TMTC1: variants seen among roughly 807,000 people sequenced by gnomAD.
The protein encoded by TMTC1 is protein O-mannosyl-transferase TMTC1.
TMTC1 carries 73 observed loss-of-function variants against 104.8 expected under a neutral mutation model. The ratio of observed to expected loss-of-function variants is 0.70; its 90% confidence interval spans 0.58 to 0.85. TMTC1 has a LOEUF of 0.85. Ranked by LOEUF, TMTC1 falls within the 40% of genes least tolerant of loss-of-function variation. TMTC1 has a pLI of 0.00. For missense variants in TMTC1, 1,035 were observed against 1,096.1 expected (o/e 0.94, Z 0.79); for synonymous variants, 434 against 428.7 (o/e 1.01, Z -0.15).
intron 10 of TMTC1, among the ~76,000 whole-genome samples, chr12:29,554,894 G>A (rs1945198654): frequency 6.6e-6 from 1 of 152,026 alleles, no homozygotes; most frequent in Non-Finnish European, 1.5e-5. Flanking sequence ...CACCGAATGT[G>A]TTTTATTTTC....
chr12:29,736,549 AG>A (rs1942679817), intron 5 of TMTC1, among the ~76,000 whole-genome samples: 1 of 151,966 alleles, frequency 6.6e-6, no homozygotes, highest in Non-Finnish European at 1.5e-5. Flanking sequence ...CCTCCTGAGT[AG>A]GGGGGATTAC....
At position 29,505,789 on chromosome 12, in the gene TMTC1, G is replaced by A. The variant is rs546153993; in HGVS notation, c.*1057C>T. 1.4e-4 allele frequency: 21 copies of A among 151,924 alleles called. No homozygotes were observed. The highest frequency in any genetic ancestry group is 7.7e-4 in the East Asian group (4 of 5,170). 9.4% of individuals were successfully genotyped at this position (151,924 alleles called of 1,614,324 possible). On this transcript the variant is annotated 3_prime_UTR_variant, in exon 18 of 18. Coordinates refer to ENST00000539277, the MANE Select transcript of TMTC1 (RefSeq NM_001193451.2). ...AAACAAAGAATTCTGGGTATTAATC[G>A]TTGATGTTCTAAGCCCAGAATTCTC...
chr12:29,668,204 G>A (rs1940357919), intron 5 of TMTC1, among the ~76,000 whole-genome samples: 1 of 152,148 alleles, frequency 6.6e-6, no homozygotes, highest in Admixed American at 6.5e-5. Context: ...ATTTCTTCTA[G>A]TCCTGGAGGC....
intron 5 of TMTC1, among the ~76,000 whole-genome samples, chr12:29,712,041 A>G (rs1941944433): frequency 7.2e-6 from 1 of 138,930 alleles, no homozygotes; most frequent in Non-Finnish European, 1.6e-5. Flanking sequence ...AAAAAGAGCA[A>G]CCCAGCATCA....
At chr12:29,659,852 A>T in intron 5 of TMTC1, 1 of 1,481,038 alleles carries the variant, frequency 6.8e-7, no homozygotes, top group Non-Finnish European at 9.0e-7. Context: ...AATAAATACC[A>T]AGTTTTAAAA....
Position 29,521,566 on chromosome 12 carries a change from C to CTTTTTT in TMTC1, c.1786-852_1786-847dup, listed in dbSNP as rs3036151. Among the ~76,000 whole-genome samples, 85 of 89,602 alleles carry CTTTTTT rather than the reference C, an allele frequency of 9.5e-4. 1 individual carries two copies. The highest frequency in any genetic ancestry group is 1.2e-3 in the African/African-American group (34 of 28,942). The allele number at this position is 89,602 out of a possible 152,430, so 58.8% of individuals were successfully genotyped here. On this transcript the variant is annotated intron_variant, in intron 11 of 17. Transcript: ENST00000539277. ...GGTACATTTTTCTTTTTCTTTCTTT[C>CTTTTTT]TTTTTTTTTTTTTTTTTGAGACAGA... is the stretch of plus-strand genomic sequence containing the variant.
At chr12:29,634,414 A>G (rs773950027) in intron 5 of TMTC1, among the ~76,000 whole-genome samples, 1 of 152,162 alleles carries the variant, frequency 6.6e-6, no homozygotes, top group Non-Finnish European at 1.5e-5. Context: ...GCCTAATTGC[A>G]TCTACAGGGA....
chr12:29,779,379 GCCA>G (rs1230001583), intron 1 of TMTC1, among the ~76,000 whole-genome samples: 1 of 152,200 alleles, frequency 6.6e-6, no homozygotes, highest in Non-Finnish European at 1.5e-5. Context: ...ATAGTGCAAA[GCCA>G]CCACATCTTG....
At chr12:29,544,369 C>A (rs1944886461) in intron 10 of TMTC1, among the ~76,000 whole-genome samples, 1 of 152,096 alleles carries the variant, frequency 6.6e-6, no homozygotes. Context: ...CCATCCTACC[C>A]TTCTCCCACC....
intron 13 of TMTC1, 122 bp downstream of exon 13, chr12:29,518,350 T>A: frequency 1.8e-6 from 2 of 1,112,022 alleles, no homozygotes; most frequent in Non-Finnish European, 2.5e-6. Context: ...AAAATTTGTA[T>A]CACCTGAATT....
chr12:29,654,610 C>G (rs1939668511), intron 5 of TMTC1, among the ~76,000 whole-genome samples: 1 of 151,750 alleles, frequency 6.6e-6, no homozygotes. Context: ...TAGGTACATA[C>G]TCAAGAGAAA....
chr12:29,640,339 G>C (rs891265897), intron 5 of TMTC1, among the ~76,000 whole-genome samples: 1 of 103,558 alleles, frequency 9.7e-6, no homozygotes, highest in South Asian at 2.7e-4. Flanking sequence ...AGAGCAGCGA[G>C]GGGGGGCTCA....
At position 29,517,535 on chromosome 12, in the gene TMTC1, T is replaced by A. The variant is rs1489606463; in HGVS notation, c.2061A>T (p.Ser687=). 2 of 1,614,090 alleles carry A rather than the reference T, an allele frequency of 1.2e-6. No homozygotes were observed. The highest frequency in any genetic ancestry group is 3.3e-5 in the Admixed American group (2 of 60,010). ...TGTTGTAATACAGTGCTCCCAAAGGTGACAATATCTCAGCTTTGTGTGCCA... is the reference window on the plus strand; with the variant it reads ...TGTTGTAATACAGTGCTCCCAAAGGAGACAATATCTCAGCTTTGTGTGCCA... The part of the protein sequence containing the change: ...LQVAHKAEIL[S]PLGALYYNTG... Residue 687 remains serine, a synonymous_variant, in exon 14 of 18, where the codon TCA becomes TCT. Coordinates refer to ENST00000539277, the MANE Select transcript of TMTC1 (RefSeq NM_001193451.2).
intron 5 of TMTC1, among the ~76,000 whole-genome samples, chr12:29,688,810 A>ACCCAACC (rs921751074): frequency 3.9e-5 from 6 of 152,180 alleles, no homozygotes; most frequent in Admixed American, 6.5e-5. Context: ...TTATATTACA[A>ACCCAACC]CCCAACCCCC....
At chr12:29,661,012 G>A in intron 5 of TMTC1, 1 of 404,172 alleles carries the variant, frequency 2.5e-6, no homozygotes, top group South Asian at 9.5e-5. Flanking sequence ...AGGGCCTCTG[G>A]AGCCAGAACA....
At chr12:29,777,914 A>G (rs892289593) in intron 1 of TMTC1, among the ~76,000 whole-genome samples, 3 of 152,236 alleles carry the variant, frequency 2.0e-5, no homozygotes, top group Admixed American at 6.5e-5. Context: ...ATGAAAAGGA[A>G]TAGAAACAAA....
chr12:29,573,157 G>A (rs1190839120), intron 8 of TMTC1, among the ~76,000 whole-genome samples: 1 of 152,104 alleles, frequency 6.6e-6, no homozygotes, highest in Admixed American at 6.5e-5. Context: ...TCCAGATCTA[G>A]GAGTATACAT....
At position 29,763,685 on chromosome 12, in the gene TMTC1, G is replaced by A. The variant is rs369191547; in HGVS notation, c.480+4213C>T. On this transcript the variant is annotated intron_variant, in intron 2 of 17. Coordinates refer to ENST00000539277, the MANE Select transcript of TMTC1 (RefSeq NM_001193451.2). ...AATTTTTACTGTAGGATCTAGGAAG[G>A]CTTCACAGGTCTGGCCATGTAAACT... 1.3e-4 allele frequency among the ~76,000 whole-genome samples: 20 copies of A among 152,322 alleles called. No individual in the cohort carries two copies. In the East Asian group the frequency reaches 2.5e-3, roughly 19 times the overall value.
chr12:29,600,596 T>A (rs1946538229), intron 7 of TMTC1, among the ~76,000 whole-genome samples: 1 of 152,196 alleles, frequency 6.6e-6, no homozygotes, highest in Non-Finnish European at 1.5e-5. Flanking sequence ...AGGTACAGCA[T>A]CCCATTCAAA....
Sources: gnomAD v4.1 joint callset for allele counts (sites outside exome capture counted in the v4.1 genomes callset) on GRCh38, gnomAD v4.1.1 for gene constraint, MANE v1.5 for transcripts, NCBI Gene and HGNC (gene_info 2026-07-23, HGNC 2026-07-21) for gene names.